Variants in CFAP100 observed in about 807,000 individuals in gnomAD.
CFAP100 encodes the protein cilia and flagella associated protein 100.
A neutral mutation model predicts 81.5 loss-of-function variants in CFAP100; 70 were observed. That is an observed-to-expected ratio of 0.86 (90% confidence interval 0.71 to 1.05). The LOEUF (loss-of-function observed/expected upper bound fraction) is 1.05, where lower values mean the gene tolerates loss of function less well. Among genes scored for constraint, CFAP100 ranks in the 50% least tolerant of loss-of-function variants. The pLI is 0.00. For missense variants in CFAP100, 811 were observed against 776.5 expected (o/e 1.04, Z -0.53); for synonymous variants, 341 against 314.8 (o/e 1.08, Z -0.88).
chr3:126,395,894 G>A, intron 1 of CFAP100, 48 bp from the exon 2 acceptor site: 1 of 948,918 alleles, frequency 1.1e-6, no homozygotes, highest in Non-Finnish European at 1.7e-6. Context: ...GGGGAAGGAA[G>A]CTCTGGGCTT....
intron 7 of CFAP100, 85 bp from the exon 8 acceptor site, chr3:126,418,991 C>A: frequency 1.0e-6 from 1 of 1,000,344 alleles, no homozygotes; most frequent in Non-Finnish European, 1.5e-6. Context: ...GCCCTGGGGC[C>A]TGTGGGTGGT....
intron 1 of CFAP100, chr3:126,395,282 T>A (rs968158057): frequency 3.9e-5 from 6 of 152,236 alleles, no homozygotes; most frequent in African/African-American, 1.4e-4. Flanking sequence ...GCAGCAGGAA[T>A]GCGGCAGGAA....
intron 2 of CFAP100, chr3:126,396,627 G>A (rs2082892570): frequency 6.5e-6 from 1 of 153,766 alleles, no homozygotes; most frequent in Non-Finnish European, 1.4e-5. Flanking sequence ...CATACGAATT[G>A]GGATGACACA....
intron 2 of CFAP100, among the ~76,000 whole-genome samples, chr3:126,397,467 T>C (rs761242646): frequency 3.0e-4 from 45 of 152,238 alleles, no homozygotes; most frequent in Admixed American, 2.5e-3. Flanking sequence ...CATAAAACAA[T>C]GCAGATAATT....
At chr3:126,423,064 G>A (rs372338300) in intron 11 of CFAP100, among the ~76,000 whole-genome samples, 3 of 152,216 alleles carry the variant, frequency 2.0e-5, no homozygotes, top group Non-Finnish European at 2.9e-5. Context: ...GGCCTCTGGC[G>A]ACAGGTCTGG....
chr3:126,423,377 G>A lies in CFAP100; in HGVS notation c.1134+1G>A, dbSNP rs1222977991. 2 of 1,613,462 alleles carry A rather than the reference G, an allele frequency of 1.2e-6. No individual in the cohort carries two copies. The highest frequency in any genetic ancestry group is 1.3e-5 in the African/African-American group (1 of 74,904). ...GGAGGACACCGACAGCGATGGGGAG[G>A]TGAATGGCCCAGTGCTGGGCTGGAA... On this transcript the variant is annotated splice_donor_variant, in intron 12 of 16. Transcript: ENST00000352312. LOFTEE classifies it high-confidence loss of function.
intron 2 of CFAP100, among the ~76,000 whole-genome samples, chr3:126,397,721 A>G (rs901638765): frequency 1.3e-5 from 2 of 152,106 alleles, no homozygotes; most frequent in Non-Finnish European, 2.9e-5. Flanking sequence ...TGGGCAGGGG[A>G]CCTGGCCAGG....
At chr3:126,429,918 G>A (rs1933142050) in intron 13 of CFAP100, among the ~76,000 whole-genome samples, 1 of 152,060 alleles carries the variant, frequency 6.6e-6, no homozygotes, top group African/African-American at 2.4e-5. Flanking sequence ...ATTTTTAAAG[G>A]ATAGTTTTCC....
intron 15 of CFAP100, among the ~76,000 whole-genome samples, chr3:126,435,104 G>C (rs1933392169): frequency 6.6e-6 from 1 of 152,156 alleles, no homozygotes; most frequent in South Asian, 2.1e-4. Flanking sequence ...CTGGGTCCCT[G>C]GTACCCTGCT....
intron 2 of CFAP100, among the ~76,000 whole-genome samples, chr3:126,401,392 G>A (rs1383420629): frequency 1.1e-4 from 8 of 70,918 alleles, no homozygotes; most frequent in South Asian, 9.2e-4. Flanking sequence ...ATGGCAAATC[G>A]TATTTTATAT....
intron 13 of CFAP100, among the ~76,000 whole-genome samples, chr3:126,428,651 TTC>T (rs1174442135): frequency 2.0e-5 from 3 of 152,158 alleles, no homozygotes. Context: ...CACTGTTGAA[TTC>T]TGTTTGATAG....
chr3:126,436,178 G>C, intron 16 of CFAP100, 113 bp from the exon 17 acceptor site: 1 of 715,212 alleles, frequency 1.4e-6, no homozygotes, highest in Non-Finnish European at 2.4e-6. Context: ...GGGCTGACCA[G>C]AGTGGCCTGG....
intron 5 of CFAP100, 158 bp downstream of exon 5, chr3:126,416,666 C>CA: frequency 1.7e-6 from 1 of 600,246 alleles, no homozygotes; most frequent in Non-Finnish European, 2.8e-6. Context: ...TTGGCCTCTC[C>CA]AGGGGGGTCC....
At chr3:126,427,066 G>A (rs1415928434) in intron 13 of CFAP100, among the ~76,000 whole-genome samples, 1 of 152,192 alleles carries the variant, frequency 6.6e-6, no homozygotes, top group Non-Finnish European at 1.5e-5. Flanking sequence ...GTATTGTCAA[G>A]ATGTCATTCT....
rs770753571 is a variant in CFAP100, at chr3:126,435,643, CAAG to C, written c.1720_1722del (p.Lys574del). The C allele has an allele frequency of 1.6e-4, 256 of 1,610,824 alleles. No homozygotes were observed. The highest frequency in any genetic ancestry group is 1.8e-4 in the Non-Finnish European group (216 of 1,177,844). The stretch of plus-strand genomic sequence containing the variant: ...CCCGGGCGCGCGCCCAGGCTGAGAT[CAAG>C]AAGAAGGTAGGCAGGGTCGCCTTGG... On this transcript the variant is annotated inframe_deletion, in exon 16 of 17. Transcript: ENST00000352312.
chr3:126,403,313 G>A (rs1189134804), intron 2 of CFAP100, among the ~76,000 whole-genome samples: 1 of 151,938 alleles, frequency 6.6e-6, no homozygotes, highest in East Asian at 1.9e-4. Context: ...CAGCCCAAAA[G>A]ACTCCGATGG....
chr3:126,411,041 C>G (rs907947139), intron 3 of CFAP100, among the ~76,000 whole-genome samples: 3 of 152,322 alleles, frequency 2.0e-5, no homozygotes, highest in African/African-American at 4.8e-5. Context: ...TGGCTCAAGC[C>G]TCTCACTCTG....
In CFAP100 at chr3:126,396,062, C is replaced by T; in HGVS notation, c.49+13C>T. 1 of 1,610,910 alleles carries T rather than the reference C, an allele frequency of 6.2e-7. No homozygotes were observed. Among genetic ancestry groups the T allele is most frequent in the Non-Finnish European group, 8.5e-7 (1 of 1,177,056 alleles). ...ATGACCAATGACAGTAAGTACCGGG[C>T]CAGGGTGGGCACTCTCAGAGGTCAG... is the stretch of plus-strand genomic sequence containing the variant. On this transcript the variant is annotated intron_variant, in intron 2 of 16. Transcript: ENST00000352312.
At chr3:126,407,921 G>A (rs550453618) in intron 3 of CFAP100, among the ~76,000 whole-genome samples, 35 of 152,154 alleles carry the variant, frequency 2.3e-4, no homozygotes, top group Non-Finnish European at 3.8e-4. Context: ...TGGACTCCCT[G>A]CTGTCTCCCG....
Sources: allele counts gnomAD v4.1 joint callset (sites outside exome capture counted in the v4.1 genomes callset), GRCh38; gene constraint gnomAD v4.1.1; transcripts MANE v1.5; gene names NCBI Gene and HGNC (gene_info 2026-07-23, HGNC 2026-07-21).